The following PREX1 variants were observed in gnomAD, a reference collection of about 807,000 sequenced individuals.
PREX1 encodes phosphatidylinositol 3,4,5-trisphosphate-dependent Rac exchanger 1 protein.
PREX1 carries 41 observed loss-of-function variants against 198.3 expected under a neutral mutation model. The observed-to-expected ratio is 0.21, with a 90% CI of 0.16 to 0.27. PREX1 has a LOEUF of 0.27. PREX1 is among the 10% of genes least tolerant of loss of function. The pLI is 1.00. For missense variants in PREX1, 1,620 were observed against 2,200.7 expected, an observed-to-expected ratio of 0.74 and a Z score of 5.28; for synonymous variants, 843 against 887.2, an observed-to-expected ratio of 0.95 and a Z score of 0.89.
At chr20:48,821,181 G>A (rs749487136) in intron 1 of PREX1, among the ~76,000 whole-genome samples, 8 of 151,960 alleles carry the variant, frequency 5.3e-5, no homozygotes, top group Admixed American at 2.0e-4. Context: ...CAGACTGGGC[G>A]ACAGTACAAG....
chr20:48,847,916 A>G, the PREX1 span, among the ~76,000 whole-genome samples: 1 of 152,204 alleles, frequency 6.6e-6, no homozygotes, highest in South Asian at 2.1e-4. Flanking sequence ...CAATGTTTTT[A>G]GATTTCTCCA....
chr20:48,656,957 G>A (rs1342528575), intron 18 of PREX1, 83 bp downstream of exon 18: 4 of 1,478,882 alleles, frequency 2.7e-6, no homozygotes, highest in Non-Finnish European at 2.7e-6. Flanking sequence ...CGGGGGACCA[G>A]GACAGTTCAT....
chr20:48,642,345 G>A, intron 28 of PREX1, 62 bp downstream of exon 28: 1 of 1,603,796 alleles, frequency 6.2e-7, no homozygotes, highest in Non-Finnish European at 8.5e-7. Context: ...CGGGTCATGG[G>A]CCCTCCCCAG....
chr20:48,820,287 ACAGTCACTGTACTCC>A (rs1203406651), intron 1 of PREX1, among the ~76,000 whole-genome samples: 2 of 152,202 alleles, frequency 1.3e-5, no homozygotes, highest in Non-Finnish European at 2.9e-5. Context: ...GAGCCCGCAC[ACAGTCACTGTACTCC>A]CCAGAGTAAC....
intron 2 of PREX1, among the ~76,000 whole-genome samples, chr20:48,747,588 C>T (rs1422045519): frequency 6.6e-6 from 1 of 152,202 alleles, no homozygotes; most frequent in African/African-American, 2.4e-5. Context: ...GGGCCCGGGG[C>T]TAAAAATTCC....
Position 48,769,937 on chromosome 20 carries a change from T to C in PREX1, c.220-22057A>G, listed in dbSNP as rs1248709087. ...GTGAGGGAGAGAGCTTTTGTCTGTA[T>C]TGTGCACTGCGGCAGCCTGGACACT... On this transcript the variant is annotated intron_variant, in intron 1 of 39. Coordinates refer to ENST00000371941, the MANE Select transcript of PREX1 (RefSeq NM_020820.4). 1.2e-4 allele frequency among the ~76,000 whole-genome samples: 18 copies of C among 152,188 alleles called. 1 individual carries two copies. Among genetic ancestry groups the C allele is most frequent in the Admixed American group, 1.2e-3 (18 of 15,288 alleles).
At chr20:48,643,014 C>T (rs2089425653) in intron 27 of PREX1, among the ~76,000 whole-genome samples, 1 of 152,172 alleles carries the variant, frequency 6.6e-6, no homozygotes, top group Admixed American at 6.5e-5. Flanking sequence ...AAAAGACACA[C>T]AAGACTGCAG....
chr20:48,778,627 T>C (rs2090274548), intron 1 of PREX1, among the ~76,000 whole-genome samples: 1 of 151,242 alleles, frequency 6.6e-6, no homozygotes. Flanking sequence ...TTACAATAAT[T>C]ATGATGATAT....
chr20:48,780,216 A>G (rs1432273900), intron 1 of PREX1, among the ~76,000 whole-genome samples: 5 of 152,222 alleles, frequency 3.3e-5, no homozygotes, highest in Non-Finnish European at 7.3e-5. Flanking sequence ...CCATTCTCCA[A>G]TTAAAAGAGC....
Position 48,632,347 on chromosome 20 carries a change from C to T in PREX1, c.4456G>A (p.Ala1486Thr), listed in dbSNP as rs111654927. The T allele has an allele frequency of 5.0e-5, 80 of 1,614,042 alleles. No individual in the cohort carries two copies. In the African/African-American group the frequency reaches 8.5e-4, roughly 17 times the overall value. ...EGLPSPGSQA[A>T]EDLQQDINAQ... is the part of the protein sequence containing the mutation. Reference sequence around the variant, plus strand: ...TTGATGTCCTGCTGCAAATCCTCCGCGGCCTGGCTGCCTGGAGAAGGCAGC... The same window carrying T: ...TTGATGTCCTGCTGCAAATCCTCCGTGGCCTGGCTGCCTGGAGAAGGCAGC... Residue 1486 changes from alanine to threonine, a missense_variant, in exon 35 of 40, where the codon GCG (alanine) becomes ACG (threonine). Ala to Thr is a moderately conservative substitution (Grantham distance 58). Transcript: ENST00000371941.
At chr20:48,857,500 T>C in the PREX1 span, among the ~76,000 whole-genome samples, 1 of 152,100 alleles carries the variant, frequency 6.6e-6, no homozygotes, top group South Asian at 2.1e-4. Flanking sequence ...TGAGCTATGA[T>C]CACACCACTG....
intron 1 of PREX1, among the ~76,000 whole-genome samples, chr20:48,764,676 G>A (rs1413116076): frequency 2.0e-5 from 3 of 151,676 alleles, no homozygotes; most frequent in Non-Finnish European, 4.4e-5. Context: ...CCAGCTCTTG[G>A]AAGGCTGAGG....
chr20:48,772,330 G>A (rs2090239931), intron 1 of PREX1, among the ~76,000 whole-genome samples: 1 of 152,242 alleles, frequency 6.6e-6, no homozygotes, highest in South Asian at 2.1e-4. Context: ...GCCCTGCAGG[G>A]TGCCCATGCC....
chr20:48,747,800 C>A lies in PREX1; in HGVS notation c.291+9G>T. On this transcript the variant is annotated intron_variant, in intron 2 of 39. Coordinates refer to ENST00000371941, the MANE Select transcript of PREX1 (RefSeq NM_020820.4). ...GCTCTAGAACAGGGGCCAGCCCCAG[C>A]GTCCACACCTTGACATTCTCCTCCG... The A allele has an allele frequency of 3.1e-6, 5 of 1,610,402 alleles. No homozygotes were observed. Among genetic ancestry groups the A allele is most frequent in the African/African-American group, 1.3e-5 (1 of 74,994 alleles).
In PREX1 at chr20:48,827,741, G is replaced by T. The variant is rs1188699516; in HGVS notation, c.120C>A (p.Ala40=). 1.5e-6 allele frequency: 2 copies of T among 1,311,290 alleles called. No homozygotes were observed. Among genetic ancestry groups the T allele is most frequent in the East Asian group, 3.2e-5 (1 of 31,258 alleles). The allele number at this position is 1,311,290 out of a possible 1,614,324, so 81.2% of individuals were successfully genotyped here. A position where few individuals can be genotyped will look rare whatever the true frequency, so the allele number is the denominator to read the frequency against. Residue 40 remains alanine, a synonymous_variant, in exon 1 of 40, where the codon GCC becomes GCA. Transcript: ENST00000371941. The surrounding 1 kb of genome is among the most constrained non-coding windows in gnomAD (Gnocchi z 4.1). ...GGCGCAGCTGGCGCTCGGACTCCCG[G>T]GCGGCCGCGCACGGGCCGGGGCCGG... ...PSSGPGPCAA[A]RESERQLRLR... is the part of the protein sequence containing the mutation.
At chr20:48,793,198 T>A (rs1230202600) in intron 1 of PREX1, among the ~76,000 whole-genome samples, 1 of 152,170 alleles carries the variant, frequency 6.6e-6, no homozygotes, top group African/African-American at 2.4e-5. Flanking sequence ...AGCAAGAAAC[T>A]GTCTCAAAAT....
In PREX1 at chr20:48,649,496, C is replaced by T. The variant is rs777156181; in HGVS notation, c.3109G>A (p.Glu1037Lys). Residue 1037 changes from glutamate (E) to lysine (K), a missense_variant, in exon 25 of 40, where the codon GAG becomes AAG. By Grantham distance (56) the Glu-to-Lys change is moderately conservative (BLOSUM62 1). Coordinates refer to ENST00000371941, the MANE Select transcript of PREX1 (RefSeq NM_020820.4). ...APSWKCLPAA[E>K]GDPQGQGLHD... ...AGACCCTGGCCTTGGGGATCACCCT[C>T]TGCAGCAGGCAAGCACTTCCAGGAG... The T allele has an allele frequency of 2.5e-6, 4 of 1,614,096 alleles. No individual in the cohort carries two copies. The highest frequency in any genetic ancestry group is 3.4e-6 in the Non-Finnish European group (4 of 1,179,990).
the PREX1 span, among the ~76,000 whole-genome samples, chr20:48,887,202 T>A: frequency 6.6e-6 from 1 of 152,144 alleles, no homozygotes; most frequent in Non-Finnish European, 1.5e-5. Context: ...AATACATACC[T>A]CCGTGCCTCA....
At chr20:48,711,124 C>A (rs909824793) in intron 5 of PREX1, among the ~76,000 whole-genome samples, 5 of 152,192 alleles carry the variant, frequency 3.3e-5, no homozygotes, top group Admixed American at 6.5e-5. Flanking sequence ...GTTATGGCTA[C>A]TGCCAAAGTC....
Sources: gnomAD v4.1 joint callset for allele counts (sites outside exome capture counted in the v4.1 genomes callset) on GRCh38, gnomAD v4.1.1 for gene constraint, Gnocchi (gnomAD v3.1) non-coding constraint, MANE v1.5 for transcripts, NCBI Gene and HGNC (gene_info 2026-07-23, HGNC 2026-07-21) for gene names.